ADAM18: variants seen among roughly 807,000 people sequenced by gnomAD.
ADAM18 encodes the protein disintegrin and metalloproteinase domain-containing protein 18.
A neutral mutation model predicts 94.4 loss-of-function variants in ADAM18; 117 were observed. The observed-to-expected ratio is 1.24, with a 90% confidence interval of 1.07 to 1.45. The LOEUF (loss-of-function observed/expected upper bound fraction) is 1.45. Among genes scored for constraint, ADAM18 ranks in the 40% most tolerant of loss-of-function variants. The pLI, the probability that ADAM18 is intolerant of heterozygous loss-of-function variation, is 0.00. For synonymous variants in ADAM18, 327 were observed against 291.6 expected, an observed-to-expected ratio of 1.12 and a Z score of -1.24; for missense variants, 936 against 880.0, an observed-to-expected ratio of 1.06 and a Z score of -0.81.
At chr8:39,707,273 C>T (rs1349090895) in intron 18 of ADAM18, among the ~76,000 whole-genome samples, 2 of 152,176 alleles carry the variant, frequency 1.3e-5, no homozygotes, top group African/African-American at 4.8e-5. Context: ...GGAGACACAG[C>T]CTCTCCAGCA....
chr8:39,624,981 T>A (rs1379571717), intron 6 of ADAM18, among the ~76,000 whole-genome samples: 3 of 152,226 alleles, frequency 2.0e-5, no homozygotes, highest in Non-Finnish European at 2.9e-5. Flanking sequence ...TATTCTTTTA[T>A]AGCAGTGCAA....
chr8:39,666,945 T>C (rs1821006462), intron 13 of ADAM18, among the ~76,000 whole-genome samples: 1 of 152,116 alleles, frequency 6.6e-6, no homozygotes, highest in Non-Finnish European at 1.5e-5. Context: ...CATCAACATA[T>C]ATAGCAGGAC....
chr8:39,613,778 G>T (rs1313585202), intron 6 of ADAM18, among the ~76,000 whole-genome samples: 1 of 152,130 alleles, frequency 6.6e-6, no homozygotes, highest in African/African-American at 2.4e-5. Flanking sequence ...TTTAAAGAAA[G>T]AATCAAACTG....
Position 39,637,640 on chromosome 8 carries a change from G to T in ADAM18, c.764G>T (p.Arg255Ile), listed in dbSNP as rs1820119995. The T allele has an allele frequency of 6.2e-7, 1 of 1,612,572 alleles. No homozygotes were observed. The highest frequency in any genetic ancestry group is 1.3e-5 in the African/African-American group (1 of 74,790). Residue 255 changes from arginine to isoleucine, a missense_variant, in exon 9 of 20, where the codon AGA becomes ATA. Transcript: ENST00000265707. ...TSGDADDILQRFLAWKRDYLI... is the reference protein window; with the variant it reads ...TSGDADDILQIFLAWKRDYLI... Reference sequence around the variant, plus strand: ...GGGGATGCTGATGATATATTACAAAGATTTTTGGCATGGAAACGGGACTAT... The same window carrying T: ...GGGGATGCTGATGATATATTACAAATATTTTTGGCATGGAAACGGGACTAT...
At chr8:39,658,689 G>A (rs1043344297) in intron 12 of ADAM18, among the ~76,000 whole-genome samples, 2 of 152,016 alleles carry the variant, frequency 1.3e-5, no homozygotes, top group Non-Finnish European at 2.9e-5. Context: ...GCAGTAAGAG[G>A]AAAAAAACAC....
At chr8:39,617,233 A>T (rs2129578695) in intron 6 of ADAM18, among the ~76,000 whole-genome samples, 1 of 152,366 alleles carries the variant, frequency 6.6e-6, no homozygotes, top group Non-Finnish European at 1.5e-5. Context: ...GCCAACAAGC[A>T]TATGAAAAAA....
intron 10 of ADAM18, among the ~76,000 whole-genome samples, chr8:39,640,172 C>T (rs942964533): frequency 4.6e-5 from 7 of 152,020 alleles, no homozygotes; most frequent in African/African-American, 1.7e-4. Context: ...CTGATCCTCT[C>T]CCACCTCCCA....
In ADAM18 at chr8:39,702,868, C is replaced by T. The variant is rs577457940; in HGVS notation, c.1903-3922C>T. Among the ~76,000 whole-genome samples, 3 of 152,268 alleles carry T rather than the reference C, an allele frequency of 2.0e-5. No individual in the cohort carries two copies. The East Asian group carries it at 5.8e-4, about 29-fold the overall frequency. ...GTTCTGTCCTTGTACCAGTACTATG[C>T]AGTTTTGATTACTGTAGTCCTGTGA... On this transcript the variant is annotated intron_variant, in intron 17 of 19. Transcript: ENST00000265707.
chr8:39,680,120 A>G lies in ADAM18; in HGVS notation c.1715A>G (p.Tyr572Cys), dbSNP rs1821409881. The G allele has an allele frequency of 3.1e-6, 5 of 1,613,942 alleles. No individual in the cohort carries two copies. Among genetic ancestry groups the G allele is most frequent in the South Asian group, 1.1e-5 (1 of 91,080 alleles). ...KSDAQSTVYS[Y>C]IQDHVCVSIA... ...GACGCTCAATCTACAGTTTATTCAT[A>G]TATTCAAGACCATGTATGTGTATCT... Residue 572 changes from tyrosine to cysteine, a missense_variant, in exon 16 of 20, where the codon TAT becomes TGT. Transcript: ENST00000265707.
intron 18 of ADAM18, among the ~76,000 whole-genome samples, chr8:39,716,377 C>T (rs73612054): frequency 0.023 from 3,548 of 151,884 alleles, 138 homozygotes; most frequent in African/African-American, 0.081. Flanking sequence ...TGCTGCAGCC[C>T]ATAATTTTTG....
chr8:39,609,360 T>TA (rs1702342552), intron 4 of ADAM18, 125 bp from the exon 5 acceptor site: 2 of 699,806 alleles, frequency 2.9e-6, no homozygotes, highest in Admixed American at 5.8e-5. Flanking sequence ...TTTCTGAAAA[T>TA]ATGCATTAAT....
rs141518388 is a variant in ADAM18 at position 39,652,984 on chromosome 8, A to G, written c.1230+4457A>G. 6.0e-3 allele frequency among the ~76,000 whole-genome samples: 910 copies of G among 152,296 alleles called. 5 individuals carry two copies. The highest frequency in any genetic ancestry group is 0.021 in the African/African-American group (864 of 41,568). On this transcript the variant is annotated intron_variant, in intron 12 of 19. Coordinates refer to ENST00000265707, the MANE Select transcript of ADAM18 (RefSeq NM_014237.3). ...TGTGGAATCTAAAAATGTGAAAGTC[A>G]TACCAGCAAGGAGTAAAATGGTGCT...
At chr8:39,714,847 A>G (rs1004396350) in intron 18 of ADAM18, among the ~76,000 whole-genome samples, 10 of 152,108 alleles carry the variant, frequency 6.6e-5, no homozygotes, top group African/African-American at 2.4e-4. Context: ...TGTTGAAAAA[A>G]CAATTTTTTC....
At position 39,729,883 on chromosome 8, in the gene ADAM18, T is replaced by A; in HGVS notation, c.2178-15T>A. ...TATTGTGAATTTCTATTTTTTCTGTTTTTCTTCACTATAGTAATTCATCCG... is the reference window on the plus strand; with the variant it reads ...TATTGTGAATTTCTATTTTTTCTGTATTTCTTCACTATAGTAATTCATCCG... On this transcript the variant is annotated splice_polypyrimidine_tract_variant and intron_variant, in intron 19 of 19. Transcript: ENST00000265707. 1 of 1,611,006 alleles carries A rather than the reference T, an allele frequency of 6.2e-7. No individual in the cohort carries two copies. The highest frequency in any genetic ancestry group is 8.5e-7 in the Non-Finnish European group (1 of 1,177,284).
At chr8:39,681,630 G>A (rs559602050) in intron 16 of ADAM18, among the ~76,000 whole-genome samples, 1 of 152,274 alleles carries the variant, frequency 6.6e-6, no homozygotes, top group Admixed American at 6.5e-5. Context: ...ACCAGGAAGT[G>A]GGTAGAGACC....
intron 2 of ADAM18, among the ~76,000 whole-genome samples, chr8:39,591,290 A>C (rs993854505): frequency 6.6e-6 from 1 of 152,162 alleles, no homozygotes; most frequent in Non-Finnish European, 1.5e-5. Flanking sequence ...TCCTTTCATG[A>C]AAGATTTCTC....
chr8:39,646,209 C>T (rs747178498), intron 11 of ADAM18, among the ~76,000 whole-genome samples: 8 of 152,040 alleles, frequency 5.3e-5, no homozygotes, highest in Non-Finnish European at 8.8e-5. Context: ...CTATCTGAGA[C>T]GATTGTCTAA....
intron 10 of ADAM18, among the ~76,000 whole-genome samples, chr8:39,639,345 G>C (rs966676169): frequency 2.0e-5 from 3 of 151,898 alleles, no homozygotes; most frequent in Admixed American, 1.3e-4. Context: ...GTTTATGTAA[G>C]CAGAACACAG....
In ADAM18 at chr8:39,651,685, A is replaced by G. The variant is rs1820543265; in HGVS notation, c.1230+3158A>G. Reference sequence around the variant, plus strand: ...GGCAGAAGAATTTTTCTTAGTACAGAACAAAATGGAGTCTCTTATGCCTAC... The same window carrying G: ...GGCAGAAGAATTTTTCTTAGTACAGGACAAAATGGAGTCTCTTATGCCTAC... On this transcript the variant is annotated intron_variant, in intron 12 of 19. Transcript: ENST00000265707. Among the ~76,000 whole-genome samples the G allele has an allele frequency of 2.0e-5, 3 of 152,322 alleles. No homozygotes were observed. The South Asian group carries it at 6.2e-4, about 32-fold the overall frequency.
Sources: gnomAD v4.1 joint callset for allele counts (sites outside exome capture counted in the v4.1 genomes callset) on GRCh38, gnomAD v4.1.1 for gene constraint, MANE v1.5 for transcripts, NCBI Gene and HGNC (gene_info 2026-07-23, HGNC 2026-07-21) for gene names.